PLCH2: variants seen among roughly 807,000 people sequenced by gnomAD.
PLCH2 encodes 1-phosphatidylinositol 4,5-bisphosphate phosphodiesterase eta-2.
Under a neutral mutation model 134.7 loss-of-function variants are expected in PLCH2, and 98 were observed. The ratio of observed to expected loss-of-function variants is 0.73; its 90% CI spans 0.62 to 0.86. The LOEUF (loss-of-function observed/expected upper bound fraction) is 0.86, where lower values mean the gene tolerates loss of function less well. Ranked by LOEUF, PLCH2 falls within the 40% of genes least tolerant of loss-of-function variation. The pLI is 0.00. For missense variants in PLCH2, 1,994 were observed against 1,986.6 expected, an observed-to-expected ratio of 1.00 and a Z score of -0.07; for synonymous variants, 974 against 827.5, an observed-to-expected ratio of 1.18 and a Z score of -3.04.
chr1:2,418,049 C>T, the PLCH2 span, among the ~76,000 whole-genome samples: 5 of 152,204 alleles, frequency 3.3e-5, 1 homozygote, highest in Admixed American at 1.3e-4. Flanking sequence ...TGCCCCCAAA[C>T]GCGAACACGC....
intron 1 of PLCH2, among the ~76,000 whole-genome samples, chr1:2,428,912 C>T (rs989827187): frequency 1.3e-5 from 2 of 152,072 alleles, no homozygotes; most frequent in African/African-American, 4.8e-5. Flanking sequence ...GGAGGGAGGC[C>T]TCTGGTCGAG....
rs2100756197 is a variant in PLCH2 at position 2,505,149 on chromosome 1, C to T, written c.4187C>T (p.Pro1396Leu). The T allele has an allele frequency of 1.9e-6, 3 of 1,562,836 alleles. No individual in the cohort carries two copies. The highest frequency in any genetic ancestry group is 2.6e-6 in the Non-Finnish European group (3 of 1,164,126). ...GAGGGCAGTGTGGATGCACCAGCAC[C>T]CTCCAAGGGAGCCCTCGGGCCAGCA... Reference protein sequence around the residue: ...GHEGSVDAPAPSKGALGPASA... With the variant: ...GHEGSVDAPALSKGALGPASA... The change falls in exon 22 of 22, where the codon CCC (proline) becomes CTC (leucine). Residue 1396 changes from proline to leucine, a missense_variant. Transcript: ENST00000378486.
At chr1:2,417,610 C>T in the PLCH2 span, among the ~76,000 whole-genome samples, 3 of 152,272 alleles carry the variant, frequency 2.0e-5, no homozygotes, top group South Asian at 2.1e-4. Flanking sequence ...GTGGAGAGTC[C>T]GGCCCTGTCC....
chr1:2,448,470 A>G lies in PLCH2; in HGVS notation c.115+17841A>G, dbSNP rs950069009. ...CCTCGAGTCTCCTTTGTCCTGTAGG[A>G]TCTGGGGCCTGCCTGGGTCATTCGG... On this transcript the variant is annotated intron_variant, in intron 2 of 3. Transcript: ENST00000609981. This position sits in a 1 kb window ranked among gnomAD's most constrained non-coding sequence, Gnocchi z 4.0. 6.6e-6 allele frequency among the ~76,000 whole-genome samples: 1 copy of G among 151,954 alleles called. No individual in the cohort carries two copies. Among genetic ancestry groups the G allele is most frequent in the African/African-American group, 2.4e-5 (1 of 41,342 alleles).
In PLCH2 at chr1:2,478,334, C is replaced by T. The variant is rs951224042; in HGVS notation, c.125-142C>T. The T allele has an allele frequency of 5.8e-5, 59 of 1,017,448 alleles. 1 individual carries two copies. The highest frequency in any genetic ancestry group is 5.6e-4 in the South Asian group (37 of 65,728). 63.0% of individuals were successfully genotyped at this position (1,017,448 alleles called of 1,614,324 possible). On this transcript the variant is annotated intron_variant, in intron 1 of 21. Transcript: ENST00000378486. The stretch of plus-strand genomic sequence containing the variant: ...ACTGGCAGGGCGGTGTGGGCGGGGC[C>T]GGGCGAGGTGAGGAGTGGCCGTGCC...
chr1:2,494,894 CG>C lies in PLCH2; in HGVS notation c.1702del (p.Ala568ProfsTer23). ...AGGACGTGGAGTCTGGGGAGGATGC[CG>C]GGGCCAGCAGACGCAATGGCCGCCT... ...EEDVESGEDA[G>X]ASRRNGRLVV... On this transcript the variant is annotated frameshift_variant, in exon 12 of 22. Transcript: ENST00000378486. LOFTEE classifies it high-confidence loss of function. 6.2e-7 allele frequency: 1 copy of C among 1,606,606 alleles called. No homozygotes were observed. The highest frequency in any genetic ancestry group is 2.2e-5 in the East Asian group (1 of 44,680).
At chr1:2,435,043 C>T (rs897267492) in intron 2 of PLCH2, among the ~76,000 whole-genome samples, 3 of 152,106 alleles carry the variant, frequency 2.0e-5, no homozygotes, top group African/African-American at 7.2e-5. Flanking sequence ...GGCAGAACAC[C>T]GGGGCGCAGG....
intron 2 of PLCH2, among the ~76,000 whole-genome samples, chr1:2,445,643 G>C (rs192598931): frequency 6.6e-4 from 100 of 152,188 alleles, no homozygotes; most frequent in African/African-American, 2.3e-3. Flanking sequence ...CTGCCCAGAG[G>C]GGGGAGGCAG....
intron 2 of PLCH2, among the ~76,000 whole-genome samples, chr1:2,459,965 T>C (rs1640731726): frequency 6.6e-6 from 1 of 152,230 alleles, no homozygotes; most frequent in Non-Finnish European, 1.5e-5. Context: ...CACCACTCTG[T>C]TCGCTCCCCT....
chr1:2,448,654 G>A lies in PLCH2; in HGVS notation c.115+18025G>A, dbSNP rs1041815344. On this transcript the variant is annotated intron_variant, in intron 2 of 3. Coordinates refer to the PLCH2 transcript ENST00000609981. The surrounding 1 kb of genome is among the most constrained non-coding windows in gnomAD (Gnocchi z 4.0). ...CCGTGTGCTCCACCCCAGCACCCCC[G>A]CCCGAGGCAGGCCCTGGAGCTCACG... Among the ~76,000 whole-genome samples the A allele has an allele frequency of 6.6e-6, 1 of 151,554 alleles. No individual in the cohort carries two copies. The highest frequency in any genetic ancestry group is 1.5e-5 in the Non-Finnish European group (1 of 67,834).
intron 1 of PLCH2, among the ~76,000 whole-genome samples, chr1:2,469,613 A>G (rs1001976155): frequency 6.8e-6 from 1 of 145,988 alleles, no homozygotes; most frequent in African/African-American, 2.5e-5. Context: ...TCAGGGACCC[A>G]GGCCCAGTGG....
intron 1 of PLCH2, among the ~76,000 whole-genome samples, chr1:2,428,331 G>A (rs570612601): frequency 1.3e-5 from 2 of 152,236 alleles, no homozygotes; most frequent in African/African-American, 2.4e-5. Context: ...GACAAGACCA[G>A]CCAGTGCTCC....
intron 2 of PLCH2, among the ~76,000 whole-genome samples, chr1:2,451,711 G>A (rs1433057358): frequency 1.3e-5 from 2 of 152,218 alleles, no homozygotes; most frequent in East Asian, 1.9e-4. Flanking sequence ...GGTAATGGGG[G>A]CAGGACAGGC....
In PLCH2 at chr1:2,496,886, G is replaced by T; in HGVS notation, c.1992G>T (p.Gln664His). 2 of 1,613,028 alleles carry T rather than the reference G, an allele frequency of 1.2e-6. No individual in the cohort carries two copies. The highest frequency in any genetic ancestry group is 1.7e-6 in the Non-Finnish European group (2 of 1,179,856). ...FSETKAHQIL[Q>H]QKPAQYLRFN... is the part of the protein sequence containing the mutation. ...AGACCAAGGCCCACCAGATTCTGCA[G>T]CAGAAGCCGGCGCAGTACCTACGCT... Residue 664 changes from glutamine (Q) to histidine (H), a missense_variant, in exon 15 of 22, where the codon CAG (glutamine) becomes CAT (histidine). Physicochemically the swap from Gln to His is conservative, Grantham distance 24 (BLOSUM62 0). Coordinates refer to ENST00000378486, the MANE Select transcript of PLCH2 (RefSeq NM_014638.4).
chr1:2,475,880 G>T (rs551454144), upstream of PLCH2, among the ~76,000 whole-genome samples: 9 of 152,068 alleles, frequency 5.9e-5, no homozygotes, highest in African/African-American at 2.2e-4. Context: ...CGGGGATGAG[G>T]TGAGCTTCTG....
rs138038983 is a variant in PLCH2 at position 2,504,817 on chromosome 1, G to A, written c.3855G>A (p.Gly1285=). ...GCCACAGCCTGGGCCTCCCGGGAGG[G>A]ACACGGCGGGTGTCGGGGCCAGGGG... is the stretch of plus-strand genomic sequence containing the variant. ...RLSHSLGLPG[G]TRRVSGPGVR... Residue 1285 remains glycine, a synonymous_variant, in exon 22 of 22, where the codon GGG becomes GGA. Transcript: ENST00000378486. 0.03 allele frequency: 47,697 copies of A among 1,610,484 alleles called. 823 individuals carry two copies. The highest frequency in any genetic ancestry group is 0.051 in the Middle Eastern group (309 of 6,054).
chr1:2,490,142 C>A (rs1642493469), intron 10 of PLCH2, among the ~76,000 whole-genome samples: 2 of 152,068 alleles, frequency 1.3e-5, no homozygotes, highest in Admixed American at 1.3e-4. Flanking sequence ...CCTCTTGGCC[C>A]CTCAGTAAGT....
At chr1:2,481,455 A>C (rs1296827583) in intron 4 of PLCH2, among the ~76,000 whole-genome samples, 1 of 152,250 alleles carries the variant, frequency 6.6e-6, no homozygotes, top group Non-Finnish European at 1.5e-5. Flanking sequence ...TGGGGCCAGC[A>C]GGTCCCTCCA....
At chr1:2,465,444 G>T (rs1296954711), upstream of PLCH2, among the ~76,000 whole-genome samples, 3 of 152,098 alleles carry the variant, frequency 2.0e-5, no homozygotes, top group Non-Finnish European at 2.9e-5. Context: ...CAGGGGCTCT[G>T]GCGGGCTCAC....
Sources: gnomAD v4.1 joint callset for allele counts (sites outside exome capture counted in the v4.1 genomes callset) on GRCh38, gnomAD v4.1.1 for gene constraint, Gnocchi (gnomAD v3.1) non-coding constraint, MANE v1.5 for transcripts, NCBI Gene and HGNC (gene_info 2026-07-23, HGNC 2026-07-21) for gene names.